Variants in CIMIP2A observed in about 807,000 individuals in gnomAD.
CIMIP2A encodes ciliary microtubule inner protein 2A, also known as family with sequence similarity 166 member A.
chr9:137,246,780 C>T, the CIMIP2A span, among the ~76,000 whole-genome samples: 6 of 152,098 alleles, frequency 3.9e-5, no homozygotes, highest in South Asian at 2.1e-4. Flanking sequence ...AAAAAAAAGC[C>T]GAGCAACTTC....
the CIMIP2A span, chr9:137,245,009 GCCT>G: frequency 2.9e-5 from 47 of 1,609,660 alleles, no homozygotes; most frequent in Admixed American, 1.2e-4. Flanking sequence ...CCCTGTGGCA[GCCT>G]CCTCAGGGGC....
chr9:137,247,748 C>T, the CIMIP2A span: 2 of 1,607,280 alleles, frequency 1.2e-6, no homozygotes, highest in Non-Finnish European at 1.7e-6. Flanking sequence ...TGGCTCCAGT[C>T]CCTCCCGGCA....
chr9:137,244,903 G>A, the CIMIP2A span: 10 of 1,585,220 alleles, frequency 6.3e-6, no homozygotes, highest in East Asian at 6.8e-5. Context: ...GCAAGGCACC[G>A]CCTCGTCTTG....
the CIMIP2A span, chr9:137,252,103 A>G: frequency 6.2e-7 from 1 of 1,612,080 alleles, no homozygotes; most frequent in South Asian, 1.1e-5. Context: ...CCACACCCCC[A>G]CTACAGCATC....
chr9:137,250,017 C>T, the CIMIP2A span, among the ~76,000 whole-genome samples: 4 of 152,040 alleles, frequency 2.6e-5, no homozygotes, highest in Non-Finnish European at 4.4e-5. Context: ...GGATGGAGCT[C>T]TCACCCTGTG....
chr9:137,250,145 G>A, the CIMIP2A span: 1 of 152,210 alleles, frequency 6.6e-6, no homozygotes, highest in Non-Finnish European at 1.5e-5. Flanking sequence ...CTTCTGTGAC[G>A]GCTGTGGTGG....
chr9:137,248,648 T>G, the CIMIP2A span, among the ~76,000 whole-genome samples: 508 of 152,128 alleles, frequency 3.3e-3, 1 homozygote, highest in African/African-American at 0.012. Context: ...GTGTGCAGAT[T>G]GCTTGAGCCT....
chr9:137,252,201 G>T, the CIMIP2A span: 1 of 1,552,980 alleles, frequency 6.4e-7, no homozygotes. Flanking sequence ...GGGGGCCTTT[G>T]CCTCTGTGCT....
chr9:137,243,631 C>T, the CIMIP2A span: 7 of 1,613,646 alleles, frequency 4.3e-6, no homozygotes, highest in Non-Finnish European at 5.9e-6. Context: ...TGTGGCCTGT[C>T]CCACTGTGTG....
the CIMIP2A span, among the ~76,000 whole-genome samples, chr9:137,247,187 A>G: frequency 6.6e-6 from 1 of 152,222 alleles, no homozygotes; most frequent in Non-Finnish European, 1.5e-5. Context: ...CCGGAAGCTG[A>G]GACAGGAGAA....
chr9:137,245,611 G>A, the CIMIP2A span: 2 of 1,612,360 alleles, frequency 1.2e-6, no homozygotes, highest in Non-Finnish European at 8.5e-7. Flanking sequence ...GGCACAGGAG[G>A]GTGCAGGGCT....
chr9:137,244,402 T>C, the CIMIP2A span: 3 of 1,572,162 alleles, frequency 1.9e-6, no homozygotes, highest in East Asian at 4.5e-5. Flanking sequence ...AAGCTGCTAA[T>C]GCTCCCAGCC....
the CIMIP2A span, chr9:137,247,582 C>T: frequency 2.2e-6 from 3 of 1,384,860 alleles, 1 homozygote; most frequent in East Asian, 2.3e-5. Context: ...CACAGCTGGC[C>T]TCCATGCCTC....
chr9:137,251,185 C>T, the CIMIP2A span: 1 of 899,560 alleles, frequency 1.1e-6, no homozygotes, highest in Non-Finnish European at 1.9e-6. Flanking sequence ...CCCTCCAGGG[C>T]CAGACAATGT....
chr9:137,251,919 C>T, the CIMIP2A span: 1 of 1,600,798 alleles, frequency 6.2e-7, no homozygotes, highest in Admixed American at 1.7e-5. Context: ...CTGGCCACCC[C>T]ACCCCCAAGC....
chr9:137,252,452 G>C, the CIMIP2A span: 1 of 1,611,052 alleles, frequency 6.2e-7, no homozygotes, highest in Non-Finnish European at 8.5e-7. Flanking sequence ...GGTGGCCGCA[G>C]GGCATGGCAG....
chr9:137,253,611 C>A, the CIMIP2A span: 1 of 848,974 alleles, frequency 1.2e-6, no homozygotes, highest in Non-Finnish European at 1.7e-6. Context: ...GTGCTCTCTT[C>A]TCTAGGGTGG....
At chr9:137,245,225 CG>C in the CIMIP2A span, 1 of 1,578,308 alleles carries the variant, frequency 6.3e-7, no homozygotes, top group Admixed American at 1.9e-5. Context: ...ACAGCTGGAG[CG>C]GGGAGGAAGC....
chr9:137,251,417 G>A, the CIMIP2A span: 2 of 1,569,882 alleles, frequency 1.3e-6, no homozygotes, highest in Non-Finnish European at 1.7e-6. Flanking sequence ...GAGAGGGGGA[G>A]AAGGGGCGGG....
Sources: gnomAD v4.1 joint callset for allele counts (sites outside exome capture counted in the v4.1 genomes callset) on GRCh38, gnomAD v4.1.1 for gene constraint, MANE v1.5 for transcripts, NCBI Gene and HGNC (gene_info 2026-07-23, HGNC 2026-07-21) for gene names.